BTC: variants seen among roughly 807,000 people sequenced by gnomAD.
BTC encodes probetacellulin.
BTC carries 13 observed loss-of-function variants against 18.1 expected under a neutral mutation model. The observed-to-expected ratio is 0.72, with a 90% confidence interval of 0.47 to 1.14. BTC has a LOEUF of 1.14. Ranked by LOEUF, BTC falls within the 50% of genes most tolerant of loss-of-function variation. BTC has a pLI of 0.00. For missense variants in BTC, 247 were observed against 224.2 expected, an observed-to-expected ratio of 1.10 and a Z score of -0.65; for synonymous variants, 83 against 79.4, an observed-to-expected ratio of 1.05 and a Z score of -0.24.
At chr4:74,782,288 T>C (rs968647001) in intron 1 of BTC, among the ~76,000 whole-genome samples, 3 of 152,160 alleles carry the variant, frequency 2.0e-5, no homozygotes, top group East Asian at 1.9e-4. Flanking sequence ...CCAGTGTGTG[T>C]TGTTACCCAC....
chr4:74,784,202 A>C (rs1272242913), intron 1 of BTC, among the ~76,000 whole-genome samples: 1 of 148,722 alleles, frequency 6.7e-6, no homozygotes, highest in Non-Finnish European at 1.5e-5. Flanking sequence ...ACTGCACTCC[A>C]GGCTGGTTGA....
At chr4:74,761,648 T>C (rs1724760558) in intron 2 of BTC, among the ~76,000 whole-genome samples, 1 of 152,208 alleles carries the variant, frequency 6.6e-6, no homozygotes, top group African/African-American at 2.4e-5. Context: ...TGGAATTATC[T>C]TGACTTATTT....
At chr4:74,746,778 A>C (rs1185342376) in intron 5 of BTC, 103 bp from the exon 6 acceptor site, 1 of 144,524 alleles carries the variant, frequency 6.9e-6, no homozygotes, top group Non-Finnish European at 1.6e-5. Flanking sequence ...TTTCAATTCA[A>C]TAATGTTGTT....
intron 1 of BTC, among the ~76,000 whole-genome samples, chr4:74,782,641 G>A (rs187520579): frequency 6.6e-6 from 1 of 152,236 alleles, no homozygotes; most frequent in East Asian, 1.9e-4. Flanking sequence ...GGGTTAAATG[G>A]TAGTTCTGCC....
At position 74,794,454 on chromosome 4, in the gene BTC, T is replaced by G; in HGVS notation, c.-129A>C. The G allele has an allele frequency of 4.7e-6, 5 of 1,054,426 alleles. No homozygotes were observed. Among genetic ancestry groups the G allele is most frequent in the Non-Finnish European group, 6.6e-6 (5 of 759,700 alleles). The allele number at this position is 1,054,426 out of a possible 1,614,324, so 65.3% of individuals were successfully genotyped here. On this transcript the variant is annotated 5_prime_UTR_variant, in exon 1 of 6. Transcript: ENST00000395743. ...CGGAGGCAGAAGGAAACGAAACTAC[T>G]TCCCAGGCTGGCACCCTGGCTACAA...
intron 1 of BTC, among the ~76,000 whole-genome samples, chr4:74,781,398 T>TGTGCGCGC (rs1553959005): frequency 6.6e-6 from 1 of 151,674 alleles, no homozygotes; most frequent in African/African-American, 2.4e-5. Context: ...TGTGTGTGTG[T>TGTGCGCGC]GTGTGTGTGT....
intron 1 of BTC, among the ~76,000 whole-genome samples, chr4:74,793,132 G>T (rs1016982049): frequency 6.6e-6 from 1 of 152,172 alleles, no homozygotes; most frequent in South Asian, 2.1e-4. Context: ...CAACCCCATT[G>T]CTCTTCTTCA....
intron 4 of BTC, among the ~76,000 whole-genome samples, chr4:74,749,785 T>C (rs1003743124): frequency 6.8e-6 from 1 of 146,612 alleles, no homozygotes. Context: ...AGAAACTAAT[T>C]TAACTAATTT....
At chr4:74,786,712 C>T (rs1024687507) in intron 1 of BTC, among the ~76,000 whole-genome samples, 1 of 152,136 alleles carries the variant, frequency 6.6e-6, no homozygotes, top group African/African-American at 2.4e-5. Flanking sequence ...TTGCCCTTCC[C>T]TCCCCAACTT....
intron 1 of BTC, among the ~76,000 whole-genome samples, chr4:74,770,679 A>G (rs991189444): frequency 2.6e-5 from 4 of 152,082 alleles, no homozygotes; most frequent in Non-Finnish European, 5.9e-5. Context: ...GACGGGCCAC[A>G]TGTTTTACGA....
intron 1 of BTC, among the ~76,000 whole-genome samples, chr4:74,782,066 A>G (rs1319240713): frequency 6.6e-6 from 1 of 152,206 alleles, no homozygotes; most frequent in Non-Finnish European, 1.5e-5. Flanking sequence ...CCCTGAAATT[A>G]TAATCAGTGA....
intron 1 of BTC, among the ~76,000 whole-genome samples, chr4:74,788,027 A>T (rs1174672681): frequency 6.6e-6 from 1 of 152,194 alleles, no homozygotes; most frequent in Non-Finnish European, 1.5e-5. Context: ...GAGTATTTTA[A>T]CAAATTCCCC....
chr4:74,753,150 T>A (rs1553956357), intron 3 of BTC, among the ~76,000 whole-genome samples: 2 of 152,148 alleles, frequency 1.3e-5, no homozygotes, highest in African/African-American at 2.4e-5. Flanking sequence ...ACTAAGTGGG[T>A]TTTTATTTAA....
At chr4:74,770,422 G>A (rs557489059) in intron 1 of BTC, among the ~76,000 whole-genome samples, 1 of 152,246 alleles carries the variant, frequency 6.6e-6, no homozygotes, top group South Asian at 2.1e-4. Context: ...TTGTGAAAGA[G>A]CCTTATAACA....
chr4:74,770,036 T>C (rs781745323), intron 2 of BTC, 22 bp downstream of exon 2: 101 of 1,569,616 alleles, frequency 6.4e-5, no homozygotes, highest in Non-Finnish European at 1.1e-5. Flanking sequence ...CAGATTTGAA[T>C]ATAAAACTTG....
intron 2 of BTC, among the ~76,000 whole-genome samples, chr4:74,760,708 G>A (rs1553957207): frequency 6.6e-6 from 1 of 151,710 alleles, no homozygotes; most frequent in Non-Finnish European, 1.5e-5. Context: ...GAGTTCAGTA[G>A]CATGATATGG....
intron 3 of BTC, among the ~76,000 whole-genome samples, 161 bp from the exon 4 acceptor site, chr4:74,750,880 AT>A (rs750184126): frequency 2.0e-5 from 3 of 151,512 alleles, no homozygotes; most frequent in African/African-American, 2.4e-5. Flanking sequence ...AGTAATTTCA[AT>A]TTTTTTTTGC....
At chr4:74,793,033 G>T (rs181058291) in intron 1 of BTC, among the ~76,000 whole-genome samples, 2 of 152,288 alleles carry the variant, frequency 1.3e-5, no homozygotes, top group African/African-American at 4.8e-5. Context: ...TTGACTGTTG[G>T]ATAGTTTAGA....
At position 74,794,474 on chromosome 4, in the gene BTC, C is replaced by T; in HGVS notation, c.-149G>A. 1.1e-6 allele frequency: 1 copy of T among 921,482 alleles called. No individual in the cohort carries two copies. Among genetic ancestry groups the T allele is most frequent in the Non-Finnish European group, 1.6e-6 (1 of 638,148 alleles). The allele number at this position is 921,482 out of a possible 1,614,324, so 57.1% of individuals were successfully genotyped here. ...ACTACTTCCCAGGCTGGCACCCTGG[C>T]TACAAGGCAGGGAAACACCCAGGGC... On this transcript the variant is annotated 5_prime_UTR_variant, in exon 1 of 6. Coordinates refer to ENST00000395743, the MANE Select transcript of BTC (RefSeq NM_001729.4).
Sources: gnomAD v4.1 joint callset for allele counts (sites outside exome capture counted in the v4.1 genomes callset) on GRCh38, gnomAD v4.1.1 for gene constraint, MANE v1.5 for transcripts, NCBI Gene and HGNC (gene_info 2026-07-23, HGNC 2026-07-21) for gene names.